The following SVIL variants were observed in gnomAD, a reference collection of about 807,000 sequenced individuals.
SVIL encodes supervillin.
A neutral mutation model predicts 240.4 loss-of-function variants in SVIL; 101 were observed. The ratio of observed to expected loss-of-function variants is 0.42; its 90% CI spans 0.36 to 0.50. The LOEUF (loss-of-function observed/expected upper bound fraction) is 0.50. SVIL is among the 20% of genes least tolerant of loss of function. SVIL has a pLI of 0.01. For missense variants in SVIL, 2,512 were observed against 2,818.7 expected, an observed-to-expected ratio of 0.89 and a Z score of 2.46; for synonymous variants, 999 against 1,100.0, an observed-to-expected ratio of 0.91 and a Z score of 1.82.
intron 29 of SVIL, among the ~76,000 whole-genome samples, chr10:29,477,098 C>T (rs889864378): frequency 2.6e-5 from 4 of 152,022 alleles, no homozygotes; most frequent in South Asian, 2.1e-4. Context: ...CTCCTGACCT[C>T]GTGATTTGCC....
chr10:29,689,691 T>G (rs1480664804), intron 1 of SVIL, among the ~76,000 whole-genome samples: 4 of 152,250 alleles, frequency 2.6e-5, no homozygotes, highest in Admixed American at 6.5e-5. Flanking sequence ...ATGGGCTTGT[T>G]CAGGGAAGCA....
intron 1 of SVIL, among the ~76,000 whole-genome samples, chr10:29,599,240 C>T (rs1956719481): frequency 6.6e-6 from 1 of 152,218 alleles, no homozygotes; most frequent in South Asian, 2.1e-4. Context: ...CTCAGCCTGA[C>T]ACGCAGGACA....
chr10:29,471,751 T>C (rs1945609635), intron 30 of SVIL, among the ~76,000 whole-genome samples: 1 of 152,224 alleles, frequency 6.6e-6, no homozygotes, highest in African/African-American at 2.4e-5. Context: ...AGGTGTTATC[T>C]GCACCACGAA....
intron 24 of SVIL, among the ~76,000 whole-genome samples, chr10:29,486,882 T>A (rs1305173665): frequency 1.3e-5 from 2 of 152,196 alleles, no homozygotes; most frequent in Non-Finnish European, 2.9e-5. Flanking sequence ...CTACCTGGGA[T>A]AAAGGACTTT....
chr10:29,619,159 CA>C (rs780950155), intron 1 of SVIL, among the ~76,000 whole-genome samples: 1 of 151,750 alleles, frequency 6.6e-6, no homozygotes, highest in Non-Finnish European at 1.5e-5. Context: ...TCATTATGCG[CA>C]AAAAAAATTG....
chr10:29,637,354 G>A (rs1958345896), upstream of SVIL, among the ~76,000 whole-genome samples: 2 of 152,182 alleles, frequency 1.3e-5, no homozygotes, highest in East Asian at 1.9e-4. Context: ...AGGCGTGGTG[G>A]TGCACACCTG....
At chr10:29,674,667 T>C (rs1056115887) in intron 2 of SVIL, among the ~76,000 whole-genome samples, 4 of 152,196 alleles carry the variant, frequency 2.6e-5, no homozygotes, top group Non-Finnish European at 4.4e-5. Context: ...ATGTACGTGG[T>C]GACTTAAAAC....
At chr10:29,723,748 T>G (rs1378550193) in intron 1 of SVIL, among the ~76,000 whole-genome samples, 1 of 152,148 alleles carries the variant, frequency 6.6e-6, no homozygotes, top group Non-Finnish European at 1.5e-5. Flanking sequence ...TTTCCTTGTT[T>G]CTGCAACTCA....
chr10:29,559,043 A>G (rs1954208677), intron 3 of SVIL, among the ~76,000 whole-genome samples: 1 of 150,904 alleles, frequency 6.6e-6, no homozygotes, highest in African/African-American at 2.4e-5. Flanking sequence ...TTTTTGTACT[A>G]TTAATAGCAT....
At chr10:29,513,866 T>C (rs1220979200) in intron 16 of SVIL, among the ~76,000 whole-genome samples, 1 of 152,176 alleles carries the variant, frequency 6.6e-6, no homozygotes, top group Non-Finnish European at 1.5e-5. Context: ...GCTTGAATAC[T>C]GGAATCCTGA....
In SVIL at chr10:29,471,191, C is replaced by T. The variant is rs150511977; in HGVS notation, c.5582G>A (p.Gly1861Glu). ...CCTCCCCGAGTGCACCACCATCCCC[C>T]CCTGGAAACACTGCAGGAAACAGGG... ...EPPCFLQCFQ[G>E]GMVVHSGRRE... Residue 1861 changes from glycine to glutamate, a missense_variant, in exon 31 of 38, where the codon GGG (glycine) becomes GAG (glutamate). Gly to Glu is a moderately conservative substitution (Grantham distance 98, BLOSUM62 -2). Transcript: ENST00000355867. 1 of 1,613,940 alleles carries T rather than the reference C, an allele frequency of 6.2e-7. No individual in the cohort carries two copies. Among genetic ancestry groups the T allele is most frequent in the Non-Finnish European group, 8.5e-7 (1 of 1,179,932 alleles).
chr10:29,529,896 C>T (rs760918891), intron 11 of SVIL, 52 bp from the exon 12 acceptor site: 4 of 1,533,576 alleles, frequency 2.6e-6, no homozygotes, highest in Non-Finnish European at 2.6e-6. Context: ...AAGAGCTGGG[C>T]ACGGTGGCTC....
At chr10:29,480,187 CA>C (rs11284289) in intron 29 of SVIL, among the ~76,000 whole-genome samples, 14,441 of 152,234 alleles carry the variant, frequency 0.095, 863 homozygotes, top group Non-Finnish European at 0.13. Flanking sequence ...TTAATTGAAG[CA>C]GCACACAGCC....
At chr10:29,649,623 A>G (rs1958777070) in intron 3 of SVIL, among the ~76,000 whole-genome samples, 1 of 152,234 alleles carries the variant, frequency 6.6e-6, no homozygotes, top group South Asian at 2.1e-4. Flanking sequence ...AAGCTCAAAT[A>G]TAACTTCAAA....
chr10:29,558,651 G>C (rs1278533071), intron 3 of SVIL, among the ~76,000 whole-genome samples: 1 of 151,500 alleles, frequency 6.6e-6, no homozygotes, highest in African/African-American at 2.4e-5. Flanking sequence ...TAATAGCCAG[G>C]CATGGTGGCT....
chr10:29,499,121 T>C lies in SVIL; in HGVS notation c.3659A>G (p.Lys1220Arg). Residue 1220 changes from lysine (K) to arginine (R), a missense_variant, in exon 18 of 38, where the codon AAG (lysine) becomes AGG (arginine). By Grantham distance (26) the Lys-to-Arg change is conservative. Around this residue, in one of 3 missense-constraint regions of SVIL, gnomAD observed 272 missense variants for 406.8 expected, o/e 0.67. Transcript: ENST00000355867. ...TQFTVAGRMV[K>R]KGLASPTAIT... is the part of the protein sequence containing the mutation. The stretch of plus-strand genomic sequence containing the variant: ...ATGGACACACACACACTGACCTTTC[T>C]TCACCATCCTGCCAGCCACAGTGAA... 2 of 1,590,712 alleles carry C rather than the reference T, an allele frequency of 1.3e-6. No homozygotes were observed. Among genetic ancestry groups the C allele is most frequent in the Admixed American group, 1.7e-5 (1 of 58,844 alleles).
chr10:29,580,305 G>C (rs1365955714), intron 1 of SVIL, among the ~76,000 whole-genome samples: 1 of 152,206 alleles, frequency 6.6e-6, no homozygotes, highest in Admixed American at 6.5e-5. Flanking sequence ...CTATGATCAC[G>C]CCACTGCACT....
intron 1 of SVIL, among the ~76,000 whole-genome samples, chr10:29,627,820 A>C (rs1180556109): frequency 6.6e-6 from 1 of 152,236 alleles, no homozygotes; most frequent in Non-Finnish European, 1.5e-5. Context: ...TTATCTAATC[A>C]CAGAATTTTA....
At chr10:29,682,218 C>T (rs139550373) in intron 2 of SVIL, among the ~76,000 whole-genome samples, 253 of 152,276 alleles carry the variant, frequency 1.7e-3, no homozygotes, top group African/African-American at 5.7e-3. Flanking sequence ...TCCAATACCA[C>T]GCCCCCTCCT....
Sources: gnomAD v4.1 joint callset for allele counts (sites outside exome capture counted in the v4.1 genomes callset) on GRCh38, gnomAD v4.1.1 for gene constraint, gnomAD v4.1.1 regional missense constraint, MANE v1.5 for transcripts, NCBI Gene and HGNC (gene_info 2026-07-23, HGNC 2026-07-21) for gene names.